Variants in ASPM observed in about 807,000 individuals in gnomAD.
The protein encoded by ASPM is assembly factor for spindle microtubules, also known as abnormal spindle-like microcephaly-associated protein.
In ASPM, 256 loss-of-function variants were observed where a neutral mutation model predicts 366.4. The ratio of observed to expected loss-of-function variants is 0.70; its 90% CI spans 0.63 to 0.77. The LOEUF (loss-of-function observed/expected upper bound fraction) is 0.77. Ranked by LOEUF, ASPM falls within the 30% of genes least tolerant of loss-of-function variation. The probability of loss-of-function intolerance (pLI) is 0.00; values close to 1 mark genes in which losing one functional copy is unlikely to be tolerated. For synonymous variants in ASPM, 1,414 were observed against 1,342.9 expected (o/e 1.05, Z -1.16); for missense variants, 4,146 against 4,090.4 (o/e 1.01, Z -0.37).
At position 197,104,154 on chromosome 1, in the gene ASPM, C is replaced by T; in HGVS notation, c.5097G>A (p.Leu1699=). The T allele has an allele frequency of 1.9e-6, 3 of 1,612,774 alleles. No individual in the cohort carries two copies. The highest frequency in any genetic ancestry group is 1.1e-5 in the South Asian group (1 of 91,052). Residue 1699 remains leucine, a synonymous_variant, in exon 18 of 28, where the codon TTG becomes TTA. Transcript: ENST00000367409. ...VKMKQTRKQY[L]HLRAAALFIQ... The stretch of plus-strand genomic sequence containing the variant: ...TAAATAGTGCAGCTGCTCTTAAATG[C>T]AAATATTGTTTACGTGTTTGTTTCA...
intron 17 of ASPM, among the ~76,000 whole-genome samples, chr1:197,115,351 C>T (rs942286705): frequency 4.6e-5 from 7 of 152,138 alleles, no homozygotes; most frequent in South Asian, 4.1e-4. Context: ...CTTCCTCCAA[C>T]GAAATCTTTA....
intron 27 of ASPM, 103 bp from the exon 28 acceptor site, chr1:197,084,529 T>A: frequency 1.3e-6 from 1 of 749,392 alleles, no homozygotes; most frequent in Non-Finnish European, 2.3e-6. Context: ...CCTGAACACA[T>A]CATTTCCCTT....
rs1166190330 is a variant in ASPM, at chr1:197,124,952, T to C, written c.3086A>G (p.Asn1029Ser). 1 of 1,610,774 alleles carries C rather than the reference T, an allele frequency of 6.2e-7. No homozygotes were observed. Residue 1029 changes from asparagine (N) to serine (S), a missense_variant, in exon 12 of 28, where the codon AAT (asparagine) becomes AGT (serine). Transcript: ENST00000367409. ...CACAATATCCTTAGATAGAATTGTA[T>C]TTCCTATAAAAGAAAAGGTTGTCCA... is the stretch of plus-strand genomic sequence containing the variant. ...RGIELSDEHG[N>S]TILSKDIVDR...
intron 3 of ASPM, 87 bp downstream of exon 3, chr1:197,142,244 C>A: frequency 1.4e-6 from 2 of 1,398,830 alleles, no homozygotes; most frequent in South Asian, 1.2e-5. Context: ...AACTATAATA[C>A]AAGCTTATCA....
In ASPM at chr1:197,093,230, T is replaced by C; in HGVS notation, c.9116A>G (p.His3039Arg). 2 of 1,612,412 alleles carry C rather than the reference T, an allele frequency of 1.2e-6. No homozygotes were observed. The highest frequency in any genetic ancestry group is 2.2e-5 in the South Asian group (2 of 91,058). Reference protein sequence around the residue: ...RHRAACLIQAHYRGYKGRQVF... With the variant: ...RHRAACLIQARYRGYKGRQVF... ...CTGCCTTCCTTTATATCCTCTATAA[T>C]GTGCTTGGATCAAACAAGCAGCTCG... Residue 3039 changes from histidine (H) to arginine (R), a missense_variant, in exon 21 of 28, where the codon CAT becomes CGT. His to Arg is a conservative substitution (Grantham distance 29, BLOSUM62 0). Around this residue, in one of 3 missense-constraint regions of ASPM, gnomAD observed 3,624 missense variants for 3,591.7 expected, o/e 1.01. Transcript: ENST00000367409.
In ASPM at chr1:197,100,619, G is replaced by A. The variant is rs539847190; in HGVS notation, c.8632C>T (p.Gln2878Ter). Reference sequence around the variant, plus strand: ...GCTGCTTTTCTATATAGTAAAAACTGTTTTCTGGTTTGCCACGTCCTAAAA... The same window carrying A: ...GCTGCTTTTCTATATAGTAAAAACTATTTTCTGGTTTGCCACGTCCTAAAA... ...HYFRTWQTRKQFLLYRKAAVV... is the reference protein window; with the variant it reads ...HYFRTWQTRK The change falls in exon 18 of 28, where the codon CAG becomes TAG. Residue 2878 changes from glutamine to a stop codon, truncating the protein, a stop_gained. Coordinates refer to ENST00000367409, the MANE Select transcript of ASPM (RefSeq NM_018136.5). LOFTEE classifies it high-confidence loss of function. 3.1e-6 allele frequency: 5 copies of A among 1,611,982 alleles called. No homozygotes were observed. The highest frequency in any genetic ancestry group is 2.7e-5 in the African/African-American group (2 of 74,880).
At position 197,088,288 on chromosome 1, in the gene ASPM, C is replaced by G. The variant is rs2125087046; in HGVS notation, c.10129G>C (p.Ala3377Pro). 1.2e-6 allele frequency: 2 copies of G among 1,613,182 alleles called. No individual in the cohort carries two copies. The highest frequency in any genetic ancestry group is 4.5e-5 in the East Asian group (2 of 44,790). ...SIFTKTCCLLAILLKTTNRAS... is the reference protein window; with the variant it reads ...SIFTKTCCLLPILLKTTNRAS... The stretch of plus-strand genomic sequence containing the variant: ...CTATTTGTTGTCTTCAGTAAAATAG[C>G]CAACAAACAACAAGTTTTTGTAAAA... The change falls in exon 26 of 28, where the codon GCT becomes CCT. Residue 3377 changes from alanine (A) to proline (P), a missense_variant. By Grantham distance (27) the Ala-to-Pro change is conservative (BLOSUM62 -1). Transcript: ENST00000367409.
At chr1:197,094,325 T>A (rs187833412) in intron 19 of ASPM, 145 bp from the exon 20 acceptor site, 1 of 609,538 alleles carries the variant, frequency 1.6e-6, no homozygotes, top group Admixed American at 2.9e-5. Flanking sequence ...CAAGTATAAT[T>A]CATAGTTAAG....
chr1:197,122,494 A>C lies in ASPM; in HGVS notation c.3492T>G (p.Arg1164=), dbSNP rs751980967. ...GCGTACATTCCACAGTTTGAGTAGTACGCTGACATATAGCGTCAAATGGCA... is the reference window on the plus strand; with the variant it reads ...GCGTACATTCCACAGTTTGAGTAGTCCGCTGACATATAGCGTCAAATGGCA... ...CYVPFDAICQ[R]TTQTVECTQT... Residue 1164 remains arginine, a synonymous_variant, in exon 14 of 28, where the codon CGT becomes CGG. Coordinates refer to ENST00000367409, the MANE Select transcript of ASPM (RefSeq NM_018136.5). 9 of 1,613,706 alleles carry C rather than the reference A, an allele frequency of 5.6e-6. No individual in the cohort carries two copies.
intron 17 of ASPM, among the ~76,000 whole-genome samples, chr1:197,114,080 GACC>G: frequency 6.6e-6 from 1 of 152,200 alleles, no homozygotes; most frequent in East Asian, 1.9e-4. Flanking sequence ...TTCAGTTCCA[GACC>G]ACCACAATAA....
chr1:197,100,304 A>C lies in ASPM; in HGVS notation c.8820+127T>G. On this transcript the variant is annotated intron_variant, in intron 18 of 27. Transcript: ENST00000367409. The stretch of plus-strand genomic sequence containing the variant: ...CTCTTTCAAAAATGTTCCACTTTGG[A>C]AGATAAATGGTCACCTCAACTAAGT... The C allele has an allele frequency of 4.4e-6, 3 of 680,110 alleles. No individual in the cohort carries two copies. The Admixed American group carries it at 9.8e-5, about 22-fold the overall frequency. The allele number at this position is 680,110 out of a possible 1,614,324, so 42.1% of individuals were successfully genotyped here. A position where few individuals can be genotyped will look rare whatever the true frequency, so the allele number is the denominator to read the frequency against.
chr1:197,117,672 A>C (rs1657776517), intron 17 of ASPM, 117 bp downstream of exon 17: 7 of 880,076 alleles, frequency 8.0e-6, no homozygotes, highest in African/African-American at 1.7e-5. Flanking sequence ...TGTTAAATTA[A>C]GTATTAGATA....
chr1:197,105,232 T>C, intron 17 of ASPM, 47 bp from the exon 18 acceptor site: 4 of 1,408,532 alleles, frequency 2.8e-6, no homozygotes, highest in Non-Finnish European at 4.0e-6. Context: ...CATAGCTTTC[T>C]ATATTTAACA....
chr1:197,140,872 T>C (rs574876086), intron 3 of ASPM, among the ~76,000 whole-genome samples: 1 of 152,236 alleles, frequency 6.6e-6, no homozygotes, highest in East Asian at 1.9e-4. Flanking sequence ...GAAACAACCC[T>C]TAATACCAAC....
At chr1:197,085,373 T>G (rs1656555390) in intron 27 of ASPM, among the ~76,000 whole-genome samples, 1 of 152,308 alleles carries the variant, frequency 6.6e-6, no homozygotes, top group Non-Finnish European at 1.5e-5. Context: ...GAGCTGCTTC[T>G]GAGTTGTTGA....
At chr1:197,091,440 C>T (rs1352523976) in intron 22 of ASPM, among the ~76,000 whole-genome samples, 1 of 151,654 alleles carries the variant, frequency 6.6e-6, no homozygotes, top group Admixed American at 6.6e-5. Context: ...CAAAAAAGAA[C>T]AGCCAATGGA....
intron 1 of ASPM, among the ~76,000 whole-genome samples, chr1:197,145,482 G>T (rs554189870): frequency 3.3e-5 from 5 of 151,670 alleles, no homozygotes; most frequent in South Asian, 2.1e-4. Context: ...GGTTTTTTTG[G>T]TTTTTATTGT....
At chr1:197,097,641 C>T (rs1006712178) in intron 18 of ASPM, among the ~76,000 whole-genome samples, 3 of 151,658 alleles carry the variant, frequency 2.0e-5, no homozygotes, top group African/African-American at 7.3e-5. Flanking sequence ...AATCTGCATA[C>T]ATTATTTATG....
At position 197,142,638 on chromosome 1, in the gene ASPM, T is replaced by C; in HGVS notation, c.1614A>G (p.Lys538=). The C allele has an allele frequency of 4.3e-6, 7 of 1,612,012 alleles. No homozygotes were observed. The highest frequency in any genetic ancestry group is 1.7e-5 in the Admixed American group (1 of 59,916). ...HEKVINNQKE[K]EDFHSYLPII... Reference sequence around the variant, plus strand: ...TTGGAAGATAAGAATGAAAATCTTCTTTTTCCTTTTGATTATTTATTACTT... The same window carrying C: ...TTGGAAGATAAGAATGAAAATCTTCCTTTTCCTTTTGATTATTTATTACTT... The change falls in exon 3 of 28, where the codon AAA becomes AAG. Residue 538 remains lysine, a synonymous_variant. Transcript: ENST00000367409.
Sources: allele counts gnomAD v4.1 joint callset (sites outside exome capture counted in the v4.1 genomes callset), GRCh38; gene constraint gnomAD v4.1.1; regional missense constraint gnomAD v4.1.1; transcripts MANE v1.5; gene names NCBI Gene and HGNC (gene_info 2026-07-23, HGNC 2026-07-21).